The following KYNU variants were observed in gnomAD, a reference collection of about 807,000 sequenced individuals.
The protein encoded by KYNU is kynureninase.
Under a neutral mutation model 59.2 loss-of-function variants are expected in KYNU, and 54 were observed. The observed-to-expected ratio is 0.91, with a 90% CI of 0.73 to 1.14. KYNU has a LOEUF of 1.14. KYNU is among the 50% of genes most tolerant of loss of function. The pLI, the probability that KYNU is intolerant of heterozygous loss-of-function variation, is 0.00. For missense variants in KYNU, 567 were observed against 554.4 expected (o/e 1.02, Z -0.23); for synonymous variants, 177 against 192.0 (o/e 0.92, Z 0.65).
intron 1 of KYNU, among the ~76,000 whole-genome samples, chr2:142,885,000 AG>A (rs1192832598): frequency 3.6e-5 from 5 of 137,302 alleles, no homozygotes; most frequent in African/African-American, 1.3e-4. Flanking sequence ...GCACTTTGGG[AG>A]GCCGAGGTGG....
intron 8 of KYNU, among the ~76,000 whole-genome samples, chr2:142,982,612 T>C (rs1003047358): frequency 7.2e-5 from 11 of 152,006 alleles, no homozygotes; most frequent in Non-Finnish European, 1.3e-4. Flanking sequence ...CAGAAGAGAC[T>C]CTTAGGGTAC....
At position 143,042,646 on chromosome 2, in the gene KYNU, GTGTATA is replaced by G. The variant is rs1558990277; in HGVS notation, c.*476_*481del. On this transcript the variant is annotated 3_prime_UTR_variant, in exon 14 of 14. Transcript: ENST00000264170. ...TATATATATATGTGTGTGTGTGTGT[GTGTATA>G]TATATATATATATATCATATATATA... 9.3e-6 allele frequency: 1 copy of G among 107,308 alleles called. No individual in the cohort carries two copies. The highest frequency in any genetic ancestry group is 3.2e-5 in the African/African-American group (1 of 30,802). The allele number at this position is 107,308 out of a possible 1,614,324, so 6.6% of individuals were successfully genotyped here.
intron 3 of KYNU, among the ~76,000 whole-genome samples, chr2:142,924,590 T>A (rs1682992562): frequency 6.6e-6 from 1 of 152,236 alleles, no homozygotes; most frequent in African/African-American, 2.4e-5. Context: ...CAGGTTTCTA[T>A]TAACTTCCTA....
intron 10 of KYNU, among the ~76,000 whole-genome samples, chr2:142,992,438 A>C (rs112650136): frequency 9.9e-5 from 15 of 151,936 alleles, no homozygotes; most frequent in African/African-American, 3.6e-4. Flanking sequence ...AGAATATTAT[A>C]ATTTTAATCT....
In KYNU at chr2:142,927,645, G is replaced by A. The variant is rs375066227; in HGVS notation, c.291-14G>A. On this transcript the variant is annotated splice_polypyrimidine_tract_variant and intron_variant, in intron 3 of 13. Coordinates refer to ENST00000264170, the MANE Select transcript of KYNU (RefSeq NM_003937.3). ...TAAAAGCTAAGATATGTTTATGTCC[G>A]TTTTCAATTTCAGAGCAGCCTATGG... 34 of 1,603,020 alleles carry A rather than the reference G, an allele frequency of 2.1e-5. No homozygotes were observed. The African/African-American group carries it at 2.4e-4, about 11-fold the overall frequency.
chr2:142,887,078 G>A (rs1371425286), intron 2 of KYNU, among the ~76,000 whole-genome samples: 1 of 152,094 alleles, frequency 6.6e-6, no homozygotes, highest in African/African-American at 2.4e-5. Flanking sequence ...GCTGAGGCAG[G>A]AGAATGGCTT....
chr2:143,002,238 T>G (rs1685725817), intron 10 of KYNU, among the ~76,000 whole-genome samples: 1 of 152,240 alleles, frequency 6.6e-6, no homozygotes, highest in African/African-American at 2.4e-5. Flanking sequence ...GGAAATTCTT[T>G]CTTTGTAAAC....
chr2:142,888,083 C>T (rs1026006702), intron 2 of KYNU, among the ~76,000 whole-genome samples: 1 of 152,048 alleles, frequency 6.6e-6, no homozygotes, highest in East Asian at 1.9e-4. Context: ...GGATTACAAC[C>T]TTGGATAAGT....
At chr2:142,951,953 C>G (rs1206976673) in intron 4 of KYNU, among the ~76,000 whole-genome samples, 1 of 152,158 alleles carries the variant, frequency 6.6e-6, no homozygotes, top group Non-Finnish European at 1.5e-5. Context: ...TAATTCTGCC[C>G]AGCACATCTG....
At chr2:142,977,383 A>AATCCACAT (rs1684923191) in intron 8 of KYNU, among the ~76,000 whole-genome samples, 1 of 150,564 alleles carries the variant, frequency 6.6e-6, no homozygotes, top group Non-Finnish European at 1.5e-5. Context: ...ATATATATAT[A>AATCCACAT]TATGAATAAT....
intron 2 of KYNU, among the ~76,000 whole-genome samples, chr2:142,908,640 A>ATTT (rs5834926): frequency 2.7e-5 from 4 of 149,456 alleles, no homozygotes; most frequent in African/African-American, 9.8e-5. Flanking sequence ...GAAATGATCA[A>ATTT]TTTTTTTTTT....
chr2:142,930,018 T>C (rs1683158193), intron 4 of KYNU, among the ~76,000 whole-genome samples: 1 of 152,256 alleles, frequency 6.6e-6, no homozygotes, highest in Non-Finnish European at 1.5e-5. Context: ...GAAGGCTTTG[T>C]AGGGCCACTC....
Position 143,049,820 on chromosome 2 carries a change from G to A in KYNU, c.*7648G>A, listed in dbSNP as rs1231297842. 1 of 152,062 alleles carries A rather than the reference G, an allele frequency of 6.6e-6. No homozygotes were observed. The highest frequency in any genetic ancestry group is 1.5e-5 in the Non-Finnish European group (1 of 68,016). 9.4% of individuals were successfully genotyped at this position (152,062 alleles called of 1,614,324 possible). ...CATATGATGCCTTGTTTCCTTTGTA[G>A]TTTTGTGATTGATAGCTTCGAACTG... On this transcript the variant is annotated 3_prime_UTR_variant, in exon 14 of 14. Transcript: ENST00000264170.
At chr2:143,030,512 G>A (rs1686708115) in intron 11 of KYNU, among the ~76,000 whole-genome samples, 1 of 151,966 alleles carries the variant, frequency 6.6e-6, no homozygotes, top group Non-Finnish European at 1.5e-5. Context: ...GTCTTGTTCT[G>A]TCACCTAGGC....
rs189654832 is a variant in KYNU, at chr2:142,884,083, A to C, written c.-19-1266A>C. ...CAAGCTTGGGTGAAGTTTAAAACGT[A>C]TGTGATTAAATCTCCATTGTCATTT... is the stretch of plus-strand genomic sequence containing the variant. On this transcript the variant is annotated intron_variant, in intron 1 of 13. Coordinates refer to ENST00000264170, the MANE Select transcript of KYNU (RefSeq NM_003937.3). Among the ~76,000 whole-genome samples, 658 of 152,358 alleles carry C rather than the reference A, an allele frequency of 4.3e-3. 1 individual carries two copies. The highest frequency in any genetic ancestry group is 7.5e-3 in the Non-Finnish European group (512 of 68,042).
At chr2:142,894,549 C>T (rs1278680492) in intron 2 of KYNU, among the ~76,000 whole-genome samples, 3 of 152,142 alleles carry the variant, frequency 2.0e-5, no homozygotes, top group African/African-American at 7.2e-5. Flanking sequence ...CATAACATTG[C>T]CAGCACTTGG....
At chr2:142,980,510 C>T (rs995267182) in intron 8 of KYNU, among the ~76,000 whole-genome samples, 20 of 152,110 alleles carry the variant, frequency 1.3e-4, no homozygotes, top group Admixed American at 7.2e-4. Context: ...CTCTGATAAC[C>T]ATACCAAGGA....
At chr2:142,980,123 T>G (rs1685009175) in intron 8 of KYNU, among the ~76,000 whole-genome samples, 1 of 151,268 alleles carries the variant, frequency 6.6e-6, no homozygotes, top group South Asian at 2.1e-4. Flanking sequence ...TAGGGTAACT[T>G]CCTGATGTTT....
At chr2:142,979,565 C>T (rs1369413591) in intron 8 of KYNU, among the ~76,000 whole-genome samples, 1 of 151,836 alleles carries the variant, frequency 6.6e-6, no homozygotes, top group Admixed American at 6.6e-5. Context: ...AAGCACATCC[C>T]CAGGAAAGGG....
Sources: gnomAD v4.1 joint callset for allele counts (sites outside exome capture counted in the v4.1 genomes callset) on GRCh38, gnomAD v4.1.1 for gene constraint, MANE v1.5 for transcripts, NCBI Gene and HGNC (gene_info 2026-07-23, HGNC 2026-07-21) for gene names.